Variants in SYNE1 observed in about 807,000 individuals in gnomAD.
The protein encoded by SYNE1 is spectrin repeat containing nuclear envelope protein 1.
SYNE1 carries 616 observed loss-of-function variants against 1,111.0 expected under a neutral mutation model. That is an observed-to-expected ratio of 0.55 (90% CI 0.52 to 0.59). The LOEUF (loss-of-function observed/expected upper bound fraction) is 0.59, where lower values mean the gene tolerates loss of function less well. Among genes scored for constraint, SYNE1 ranks in the 20% least tolerant of loss-of-function variants. SYNE1 has a pLI of 0.00. For synonymous variants in SYNE1, 3,855 were observed against 3,825.8 expected (o/e 1.01, Z -0.28); for missense variants, 10,006 against 10,417.0 (o/e 0.96, Z 1.72).
Position 152,606,976 on chromosome 6 carries a change from C to CTTTTTTTTTTTTTTTTTT in SYNE1, c.67+21288_67+21289insAAAAAAAAAAAAAAAAAA, listed in dbSNP as rs11387272. Among the ~76,000 whole-genome samples the CTTTTTTTTTTTTTTTTTT allele has an allele frequency of 1.0e-4, 11 of 109,138 alleles. 1 individual carries two copies. Among genetic ancestry groups the CTTTTTTTTTTTTTTTTTT allele is most frequent in the African/African-American group, 3.4e-4 (9 of 26,814 alleles). 71.6% of individuals were successfully genotyped at this position (109,138 alleles called of 152,430 possible). On this transcript the variant is annotated intron_variant, in intron 3 of 145. Coordinates refer to ENST00000367255, the MANE Select transcript of SYNE1 (RefSeq NM_182961.4). ...GCAAAAGGAAAGGCATGCCTCGGTT[C>CTTTTTTTTTTTTTTTTTT]TCTTTTTTTTTTTTTTTTTTTTTTT... is the stretch of plus-strand genomic sequence containing the variant.
rs545373530 is a variant in SYNE1, at chr6:152,429,506, A to G, written c.4788+606T>C. Among the ~76,000 whole-genome samples the G allele has an allele frequency of 1.3e-4, 20 of 152,282 alleles. No individual in the cohort carries two copies. The South Asian group carries it at 4.1e-3, about 32-fold the overall frequency. On this transcript the variant is annotated intron_variant, in intron 36 of 145. Coordinates refer to ENST00000367255, the MANE Select transcript of SYNE1 (RefSeq NM_182961.4). The stretch of plus-strand genomic sequence containing the variant: ...TTGTCAATGGCTTGTTTTCTATTAC[A>G]TACACCTTTATAAATGTTCGTGCAC...
chr6:152,536,580 A>G (rs2099244124), intron 4 of SYNE1, among the ~76,000 whole-genome samples: 1 of 150,732 alleles, frequency 6.6e-6, no homozygotes, highest in Non-Finnish European at 1.5e-5. Flanking sequence ...ATGGCGGCCA[A>G]TGACTTCCAA....
rs151039167 is a variant in SYNE1, at chr6:152,399,801, C to T, written c.7052G>A (p.Ser2351Asn). ...KVKDIQKELQ[S>N]QQSNISSTQE... ...GGTAGAGCTGATGTTGCTTTGTTGA[C>T]TTTGAAGTTCTTTTTGTATATCCTA... The change falls in exon 48 of 146, where the codon AGT (serine) becomes AAT (asparagine). Residue 2351 changes from serine to asparagine, a missense_variant. Transcript: ENST00000367255. 20 of 1,614,076 alleles carry T rather than the reference C, an allele frequency of 1.2e-5. No homozygotes were observed. The African/African-American group carries it at 1.9e-4, about 15-fold the overall frequency.
chr6:152,122,373 G>A lies in SYNE1; in HGVS notation c.*63C>T. The A allele has an allele frequency of 6.2e-7, 1 of 1,612,524 alleles. No homozygotes were observed. Among genetic ancestry groups the A allele is most frequent in the East Asian group, 2.2e-5 (1 of 44,878 alleles). On this transcript the variant is annotated 3_prime_UTR_variant, in exon 146 of 146. Transcript: ENST00000367255. ...TCAAGGTCCTCTTGTTGGTAGTTTG[G>A]GATTGCTTATGACCCGATCCTCCTT...
At chr6:152,247,586 C>T (rs1038575379) in intron 105 of SYNE1, among the ~76,000 whole-genome samples, 2 of 151,370 alleles carry the variant, frequency 1.3e-5, no homozygotes, top group African/African-American at 2.4e-5. Flanking sequence ...AATGCACAGC[C>T]GGATGCGGTG....
intron 6 of SYNE1, among the ~76,000 whole-genome samples, chr6:152,512,911 A>C (rs1415495904): frequency 1.3e-5 from 2 of 152,188 alleles, no homozygotes; most frequent in African/African-American, 4.8e-5. Context: ...CAGAAGCCAG[A>C]AGGAAGATGG....
intron 51 of SYNE1, among the ~76,000 whole-genome samples, chr6:152,392,497 C>A (rs2097659886): frequency 6.6e-6 from 1 of 152,148 alleles, no homozygotes; most frequent in Non-Finnish European, 1.5e-5. Flanking sequence ...GATGTCTTAA[C>A]ATAAACTATT....
Position 152,390,275 on chromosome 6 carries a change from T to C in SYNE1, c.8177+5A>G, listed in dbSNP as rs750104678. 6.2e-7 allele frequency: 1 copy of C among 1,614,028 alleles called. No homozygotes were observed. Among genetic ancestry groups the C allele is most frequent in the Non-Finnish European group, 8.5e-7 (1 of 1,179,986 alleles). ...TTAAACAAACTCTAAAAATAGGTTC[T>C]GTACCTTTGAGCGTGGACGGAGGAG... is the stretch of plus-strand genomic sequence containing the variant. On this transcript the variant is annotated splice_donor_5th_base_variant and intron_variant, in intron 53 of 145. Transcript: ENST00000367255.
At chr6:152,462,670 G>T in intron 20 of SYNE1, 68 bp downstream of exon 20, 2 of 1,596,064 alleles carry the variant, frequency 1.3e-6, no homozygotes, top group Non-Finnish European at 1.7e-6. Context: ...GCAATGATCT[G>T]AATAAACTTG....
rs202209115 is a variant in SYNE1, at chr6:152,362,357, T to A, written c.10146-34A>T. On this transcript the variant is annotated intron_variant, in intron 63 of 145. Coordinates refer to ENST00000367255, the MANE Select transcript of SYNE1 (RefSeq NM_182961.4). ...GATTTGAAAGGACAATAAATCCACATTGAGAATCCTTAGGAGTCTAAAATG... is the reference window on the plus strand; with the variant it reads ...GATTTGAAAGGACAATAAATCCACAATGAGAATCCTTAGGAGTCTAAAATG... The A allele has an allele frequency of 3.1e-6, 5 of 1,614,010 alleles. No homozygotes were observed. The East Asian group carries it at 1.1e-4, about 36-fold the overall frequency.
chr6:152,419,072 T>TA (rs1371419233), intron 40 of SYNE1, among the ~76,000 whole-genome samples: 1 of 152,250 alleles, frequency 6.6e-6, no homozygotes, highest in African/African-American at 2.4e-5. Flanking sequence ...ATTGGTCTAT[T>TA]GTCAGTTCAT....
chr6:152,516,235 G>A (rs1273771731), intron 6 of SYNE1, among the ~76,000 whole-genome samples: 2 of 152,214 alleles, frequency 1.3e-5, no homozygotes, highest in East Asian at 1.9e-4. Flanking sequence ...GAGATGTGGG[G>A]AGGAGGTGAC....
intron 141 of SYNE1, among the ~76,000 whole-genome samples, chr6:152,135,753 T>C (rs763523940): frequency 2.0e-5 from 3 of 152,230 alleles, no homozygotes; most frequent in Non-Finnish European, 4.4e-5. Flanking sequence ...AACTATTATA[T>C]TACTCTTGGG....
intron 54 of SYNE1, among the ~76,000 whole-genome samples, chr6:152,386,772 T>C (rs1004015472): frequency 6.6e-6 from 1 of 150,492 alleles, no homozygotes; most frequent in Non-Finnish European, 1.5e-5. Flanking sequence ...AACGGCGACA[T>C]TTGATGTGCA....
At chr6:152,216,694 A>G (rs966076606) in intron 121 of SYNE1, among the ~76,000 whole-genome samples, 1 of 152,158 alleles carries the variant, frequency 6.6e-6, no homozygotes, top group Non-Finnish European at 1.5e-5. Context: ...AGCTTTAACC[A>G]AGGGAATAAT....
At chr6:152,149,086 G>A (rs956521047) in intron 136 of SYNE1, among the ~76,000 whole-genome samples, 1 of 152,082 alleles carries the variant, frequency 6.6e-6, no homozygotes, top group Admixed American at 6.5e-5. Flanking sequence ...TCTTCTAGAG[G>A]CTTCTCTTAT....
In SYNE1 at chr6:152,224,603, G is replaced by C; in HGVS notation, c.21413C>G (p.Ala7138Gly). The C allele has an allele frequency of 3.7e-6, 6 of 1,613,888 alleles. No individual in the cohort carries two copies. The highest frequency in any genetic ancestry group is 5.1e-6 in the Non-Finnish European group (6 of 1,179,942). ...VLDQWSSHKV[A>G]FDKINSYLME... ...GAGGTAACTGTTTATCTTGTCAAAG[G>C]CCACTTTGTGACTACTCCATTGGTC... is the stretch of plus-strand genomic sequence containing the variant. The change falls in exon 117 of 146, where the codon GCC becomes GGC. Residue 7138 changes from alanine (A) to glycine (G), a missense_variant. Transcript: ENST00000367255.
At chr6:152,253,022 G>A (rs891801974) in intron 104 of SYNE1, among the ~76,000 whole-genome samples, 4 of 151,956 alleles carry the variant, frequency 2.6e-5, no homozygotes, top group African/African-American at 9.7e-5. Context: ...GAGGCACTCG[G>A]GGATTCTGAC....
chr6:152,409,439 C>G (rs530164435), intron 43 of SYNE1, 120 bp downstream of exon 43: 61 of 1,388,960 alleles, frequency 4.4e-5, no homozygotes, highest in Admixed American at 5.9e-5. Flanking sequence ...AAGTTGAGCT[C>G]ATTAGCATGA....
Sources: gnomAD v4.1 joint callset for allele counts (sites outside exome capture counted in the v4.1 genomes callset) on GRCh38, gnomAD v4.1.1 for gene constraint, MANE v1.5 for transcripts, NCBI Gene and HGNC (gene_info 2026-07-23, HGNC 2026-07-21) for gene names.